RALGAPA1: variants seen among roughly 807,000 people sequenced by gnomAD.
RALGAPA1 encodes ral GTPase-activating protein subunit alpha-1.
A neutral mutation model predicts 269.6 loss-of-function variants in RALGAPA1; 52 were observed. That is an observed-to-expected ratio of 0.19 (90% CI 0.15 to 0.24). The LOEUF is 0.24. RALGAPA1 is among the 10% of genes least tolerant of loss of function. RALGAPA1 has a pLI of 1.00. For missense variants in RALGAPA1, 1,917 were observed against 3,013.9 expected, an observed-to-expected ratio of 0.64 and a Z score of 8.52; for synonymous variants, 817 against 1,008.3, an observed-to-expected ratio of 0.81 and a Z score of 3.60.
intron 37 of RALGAPA1, among the ~76,000 whole-genome samples, chr14:35,573,370 A>G (rs1037894880): frequency 6.6e-6 from 1 of 152,132 alleles, no homozygotes; most frequent in Non-Finnish European, 1.5e-5. Context: ...AGACTGCTAT[A>G]ATGCATTTTA....
At chr14:35,767,026 T>G (rs1010618003) in intron 4 of RALGAPA1, 2 of 360,412 alleles carry the variant, frequency 5.5e-6, no homozygotes, top group African/African-American at 4.3e-5. Flanking sequence ...AAGTAAAGTT[T>G]CCTGTTATTC....
chr14:35,609,181 C>T lies in RALGAPA1; in HGVS notation c.6930-3472G>A, dbSNP rs1483008425. 3.3e-5 allele frequency among the ~76,000 whole-genome samples: 5 copies of T among 151,078 alleles called. No homozygotes were observed. In the East Asian group the frequency reaches 5.8e-4, roughly 18 times the overall value. On this transcript the variant is annotated intron_variant, in intron 35 of 41. Transcript: ENST00000680220. ...GGCAGAGGTTGCAGTGAGCCAAGACCGCGCCACTGCACTCCAGCCTAGGCG... is the reference window on the plus strand; with the variant it reads ...GGCAGAGGTTGCAGTGAGCCAAGACTGCGCCACTGCACTCCAGCCTAGGCG...
intron 5 of RALGAPA1, among the ~76,000 whole-genome samples, chr14:35,761,807 C>T (rs900544237): frequency 1.3e-5 from 2 of 152,152 alleles, no homozygotes; most frequent in African/African-American, 4.8e-5. Context: ...TGTTCATGGC[C>T]ACTGTCAAAG....
intron 12 of RALGAPA1, among the ~76,000 whole-genome samples, chr14:35,737,462 T>C (rs1045464197): frequency 2.0e-5 from 3 of 151,632 alleles, no homozygotes; most frequent in African/African-American, 4.9e-5. Flanking sequence ...AATACATGTA[T>C]AAGAATGTTC....
In RALGAPA1 at chr14:35,595,675, T is replaced by C; in HGVS notation, c.7168A>G (p.Thr2390Ala). The C allele has an allele frequency of 1.2e-6, 2 of 1,612,610 alleles. No individual in the cohort carries two copies. The highest frequency in any genetic ancestry group is 2.2e-5 in the East Asian group (1 of 44,802). Residue 2390 changes from threonine to alanine, a missense_variant, in exon 37 of 42, where the codon ACA becomes GCA. Thr to Ala is a moderately conservative substitution (Grantham distance 58). Transcript: ENST00000680220. ...STVEVIFHVS[T>A]RMPSDSDDSL... ...TCATCAGAATCAGAAGGCATTCTTG[T>C]TGACACGTGAAATATTACCTCTACT...
intron 41 of RALGAPA1, among the ~76,000 whole-genome samples, chr14:35,542,753 C>T (rs1275780711): frequency 6.6e-6 from 1 of 152,128 alleles, no homozygotes; most frequent in East Asian, 1.9e-4. Flanking sequence ...CACATGAGCT[C>T]CTATGTTTGT....
intron 39 of RALGAPA1, 128 bp downstream of exon 39, chr14:35,570,489 C>A: frequency 1.3e-6 from 1 of 755,478 alleles, no homozygotes; most frequent in Non-Finnish European, 1.9e-6. Flanking sequence ...AATGATACTC[C>A]ATTTCTACAA....
intron 1 of RALGAPA1, among the ~76,000 whole-genome samples, chr14:35,805,845 T>G (rs2077332954): frequency 6.6e-6 from 1 of 151,848 alleles, no homozygotes; most frequent in Non-Finnish European, 1.5e-5. Flanking sequence ...CCACCATGCC[T>G]GGCTAATTTT....
chr14:35,614,116 A>G (rs2060112246), intron 35 of RALGAPA1, among the ~76,000 whole-genome samples: 1 of 152,206 alleles, frequency 6.6e-6, no homozygotes, highest in South Asian at 2.1e-4. Flanking sequence ...TGTAACACTC[A>G]TACACCATCG....
At chr14:35,751,992 T>A in intron 8 of RALGAPA1, 32 bp downstream of exon 8, 1 of 1,560,870 alleles carries the variant, frequency 6.4e-7, no homozygotes, top group Non-Finnish European at 8.6e-7. Flanking sequence ...CTCTTAAGTG[T>A]GATCTTTCAG....
At chr14:35,690,641 A>G (rs1486759666) in intron 17 of RALGAPA1, among the ~76,000 whole-genome samples, 4 of 152,184 alleles carry the variant, frequency 2.6e-5, no homozygotes, top group Admixed American at 6.5e-5. Flanking sequence ...TAAAAAATCA[A>G]TTGTATTCTT....
chr14:35,676,081 G>A (rs989697544), intron 22 of RALGAPA1: 1 of 152,036 alleles, frequency 6.6e-6, no homozygotes, highest in African/African-American at 2.4e-5. Flanking sequence ...TATTGCTAAT[G>A]CCTCCCTACT....
At chr14:35,665,190 T>C (rs986534166) in intron 26 of RALGAPA1, among the ~76,000 whole-genome samples, 6 of 152,190 alleles carry the variant, frequency 3.9e-5, no homozygotes, top group African/African-American at 1.4e-4. Flanking sequence ...ATTAACTATA[T>C]GAAAGAGGAA....
chr14:35,600,754 ATTAC>A (rs1211548351), intron 36 of RALGAPA1, among the ~76,000 whole-genome samples: 1 of 152,102 alleles, frequency 6.6e-6, no homozygotes, highest in Non-Finnish European at 1.5e-5. Flanking sequence ...TGTGTTACCA[ATTAC>A]TTACTGAAGC....
rs529999314 is a variant in RALGAPA1 at position 35,799,287 on chromosome 14, C to A, written c.106+9443G>T. Among the ~76,000 whole-genome samples the A allele has an allele frequency of 7.2e-5, 11 of 152,240 alleles. No homozygotes were observed. The South Asian group carries it at 2.3e-3, about 32-fold the overall frequency. On this transcript the variant is annotated intron_variant, in intron 1 of 41. Coordinates refer to ENST00000680220, the MANE Select transcript of RALGAPA1 (RefSeq NM_001346249.2). ...TTAAAGATGTATACTATAGGCTGGG[C>A]ACAGTGGCTCACCCATGTAATCCCA...
intron 35 of RALGAPA1, among the ~76,000 whole-genome samples, chr14:35,620,164 G>A (rs1872968915): frequency 1.3e-5 from 2 of 152,070 alleles, no homozygotes; most frequent in Admixed American, 6.5e-5. Flanking sequence ...TATTCACCAC[G>A]ATCAAGTCGG....
intron 39 of RALGAPA1, among the ~76,000 whole-genome samples, chr14:35,552,859 T>C (rs1194886705): frequency 2.6e-5 from 4 of 152,186 alleles, no homozygotes; most frequent in African/African-American, 4.8e-5. Context: ...AAAATGTCTA[T>C]AGCGTAAAGA....
In RALGAPA1 at chr14:35,688,463, A is replaced by G. The variant is rs1009275446; in HGVS notation, c.3948T>C (p.Ala1316=). ...CTGCACACTGTTAGTGCTCACCTGC[A>G]GCTTTCCTTCCAAAATAGCCCATTA... is the stretch of plus-strand genomic sequence containing the variant. ...SHVMGYFGRK[A]AVNKEDMSQK... The change falls in exon 18 of 42, where the codon GCT becomes GCC. Residue 1316 remains alanine (A), a synonymous_variant. Transcript: ENST00000680220. 73 of 1,536,032 alleles carry G rather than the reference A, an allele frequency of 4.8e-5. No individual in the cohort carries two copies. Among genetic ancestry groups the G allele is most frequent in the Non-Finnish European group, 5.4e-5 (62 of 1,146,898 alleles).
At chr14:35,756,756 T>C (rs1468589773) in intron 7 of RALGAPA1, 37 bp downstream of exon 7, 8 of 1,350,660 alleles carry the variant, frequency 5.9e-6, no homozygotes, top group South Asian at 1.2e-5. Context: ...CCACATAGGA[T>C]AGTAAGGAGT....
Sources: gnomAD v4.1 joint callset for allele counts (sites outside exome capture counted in the v4.1 genomes callset) on GRCh38, gnomAD v4.1.1 for gene constraint, MANE v1.5 for transcripts, NCBI Gene and HGNC (gene_info 2026-07-23, HGNC 2026-07-21) for gene names.